The following HCK variants were observed in gnomAD, a reference collection of about 807,000 sequenced individuals.
HCK encodes the protein HCK proto-oncogene, Src family tyrosine kinase.
HCK carries 40 observed loss-of-function variants against 70.4 expected under a neutral mutation model. The ratio of observed to expected loss-of-function variants is 0.57; its 90% confidence interval spans 0.44 to 0.74. HCK has a LOEUF of 0.74. Among genes scored for constraint, HCK ranks in the 30% least tolerant of loss-of-function variants. The probability of loss-of-function intolerance (pLI) is 0.00; values close to 1 mark genes in which losing one functional copy is unlikely to be tolerated. For synonymous variants in HCK, 245 were observed against 263.2 expected, an observed-to-expected ratio of 0.93 and a Z score of 0.67; for missense variants, 568 against 697.2, an observed-to-expected ratio of 0.81 and a Z score of 2.09.
chr20:32,061,522 G>GT (rs2122483267), intron 1 of HCK, among the ~76,000 whole-genome samples: 1 of 152,282 alleles, frequency 6.6e-6, no homozygotes, highest in South Asian at 2.1e-4. Flanking sequence ...TGGCCACCAC[G>GT]TTTAAGAGGT....
At position 32,085,454 on chromosome 20, in the gene HCK, C is replaced by T. The variant is rs145282137; in HGVS notation, c.835+911C>T. ...GTTTGAACCCAGGAGGTGGAAGTTG[C>T]AGGGAACCGAGATCGCACCACTGCA... On this transcript the variant is annotated intron_variant, in intron 8 of 12. Transcript: ENST00000375852. Among the ~76,000 whole-genome samples the T allele has an allele frequency of 3.6e-3, 548 of 152,144 alleles. 3 individuals are homozygous for T. The highest frequency in any genetic ancestry group is 3.6e-3 in the Non-Finnish European group (242 of 67,998).
At chr20:32,076,812 G>C (rs1325662314) in intron 5 of HCK, among the ~76,000 whole-genome samples, 1 of 152,014 alleles carries the variant, frequency 6.6e-6, no homozygotes, top group Non-Finnish European at 1.5e-5. Flanking sequence ...CTGGCCAGGT[G>C]TGGTGGCTCA....
chr20:32,085,337 AT>A (rs1316426705), intron 8 of HCK, among the ~76,000 whole-genome samples: 8 of 152,094 alleles, frequency 5.3e-5, no homozygotes, highest in Non-Finnish European at 1.2e-4. Flanking sequence ...GTATAGTGAA[AT>A]CCCGTCTCTA....
intron 2 of HCK, chr20:32,072,552 C>A (rs904693843): frequency 4.7e-5 from 6 of 126,524 alleles, no homozygotes; most frequent in Admixed American, 8.0e-5. Flanking sequence ...TACAGGGAGA[C>A]CCTGTCTCTT....
intron 6 of HCK, among the ~76,000 whole-genome samples, chr20:32,081,001 A>G (rs2045702611): frequency 6.6e-6 from 1 of 152,010 alleles, no homozygotes; most frequent in Admixed American, 6.6e-5. Context: ...AGGCCAGATG[A>G]TCTCTTGAGT....
chr20:32,058,375 T>C (rs2045306044), intron 1 of HCK, among the ~76,000 whole-genome samples: 2 of 151,874 alleles, frequency 1.3e-5, no homozygotes, highest in South Asian at 2.1e-4. Flanking sequence ...CTACTAAAAA[T>C]GCAAAAATTA....
intron 1 of HCK, among the ~76,000 whole-genome samples, chr20:32,058,400 C>T (rs1022352916): frequency 4.0e-5 from 6 of 151,810 alleles, no homozygotes; most frequent in African/African-American, 7.3e-5. Context: ...GGCGTGGTGG[C>T]GGGCGCCTGT....
intron 1 of HCK, among the ~76,000 whole-genome samples, chr20:32,067,241 CAA>C (rs1458061529): frequency 6.6e-6 from 1 of 152,068 alleles, no homozygotes; most frequent in Non-Finnish European, 1.5e-5. Flanking sequence ...ATATGCATAA[CAA>C]ATTTTCCATC....
intron 1 of HCK, chr20:32,069,772 G>T (rs546860629): frequency 4.9e-5 from 63 of 1,276,350 alleles, no homozygotes; most frequent in Non-Finnish European, 6.0e-5. Flanking sequence ...GTAAATAAAA[G>T]GAATCTTTTT....
chr20:32,084,231 G>A (rs569693969), intron 7 of HCK, among the ~76,000 whole-genome samples, 160 bp from the exon 8 acceptor site: 46 of 152,298 alleles, frequency 3.0e-4, no homozygotes, highest in African/African-American at 1.1e-3. Context: ...ATGTAGAGGT[G>A]GCACCCCGTC....
rs1027331715 is a variant in HCK, at chr20:32,083,600, G to A, written c.533-294G>A. 4.6e-5 allele frequency among the ~76,000 whole-genome samples: 7 copies of A among 152,332 alleles called. No homozygotes were observed. In the East Asian group the frequency reaches 7.7e-4, roughly 17 times the overall value. ...TTTACAGGCATTACTTCTTTTAGCC[G>A]TCAGGCAATAGGATCAGGTAGGGAG... On this transcript the variant is annotated intron_variant, in intron 6 of 12. Coordinates refer to ENST00000375852, the MANE Select transcript of HCK (RefSeq NM_002110.5).
intron 8 of HCK, among the ~76,000 whole-genome samples, chr20:32,086,241 G>C (rs900851511): frequency 5.9e-5 from 9 of 152,296 alleles, no homozygotes; most frequent in East Asian, 5.8e-4. Context: ...GGATGGTCTC[G>C]ATCTCCTGAC....
chr20:32,077,370 A>G (rs990527794), intron 5 of HCK, among the ~76,000 whole-genome samples: 2 of 152,030 alleles, frequency 1.3e-5, no homozygotes, highest in Non-Finnish European at 2.9e-5. Context: ...CCCAGAAGCA[A>G]CCAGTTTCTC....
rs1471621798 is a variant in HCK at position 32,075,682 on chromosome 20, TCATCCATCCATCCATCCATCCATTCATC to T, written c.428+985_428+1012del. On this transcript the variant is annotated intron_variant, in intron 5 of 12. Transcript: ENST00000375852. ...GCTTGACTCTAAAAATATACTTCAGTCATCCATCCATCCATCCATCCATTCATCCATCCATCCATCCATCCATCCATCC... is the reference window on the plus strand; with the variant it reads ...GCTTGACTCTAAAAATATACTTCAGTCATCCATCCATCCATCCATCCATCC... Among the ~76,000 whole-genome samples, 24 of 150,784 alleles carry T rather than the reference TCATCCATCCATCCATCCATCCATTCATC, an allele frequency of 1.6e-4. No homozygotes were observed. In the East Asian group the frequency reaches 2.5e-3, roughly 16 times the overall value.
At chr20:32,085,134 G>T (rs573086986) in intron 8 of HCK, among the ~76,000 whole-genome samples, 1 of 152,190 alleles carries the variant, frequency 6.6e-6, no homozygotes. Context: ...AAATGGGAGC[G>T]AAGACAACTT....
intron 5 of HCK, among the ~76,000 whole-genome samples, chr20:32,076,741 A>AGCT (rs572483693): frequency 6.6e-6 from 1 of 152,070 alleles, no homozygotes; most frequent in African/African-American, 2.4e-5. Context: ...TGGGTGAGGC[A>AGCT]GCTGCTGCTG....
chr20:32,078,639 C>A (rs2045662673), intron 5 of HCK, among the ~76,000 whole-genome samples: 1 of 151,752 alleles, frequency 6.6e-6, no homozygotes, highest in Non-Finnish European at 1.5e-5. Flanking sequence ...GATGGATCAC[C>A]TGAGTTCAGG....
chr20:32,059,849 C>G (rs1309858987), intron 1 of HCK, among the ~76,000 whole-genome samples: 1 of 152,182 alleles, frequency 6.6e-6, no homozygotes, highest in Non-Finnish European at 1.5e-5. Context: ...GAAGGATGCA[C>G]TAATGTTTTA....
chr20:32,093,784 A>T, intron 10 of HCK, 79 bp from the exon 11 acceptor site: 1 of 1,370,174 alleles, frequency 7.3e-7, no homozygotes, highest in Non-Finnish European at 1.0e-6. Flanking sequence ...TCACTTGAAC[A>T]CCTCTCTGCT....
Sources: gnomAD v4.1 joint callset for allele counts (sites outside exome capture counted in the v4.1 genomes callset) on GRCh38, gnomAD v4.1.1 for gene constraint, MANE v1.5 for transcripts, NCBI Gene and HGNC (gene_info 2026-07-23, HGNC 2026-07-21) for gene names.